The following MGAT4C variants were observed in gnomAD, a reference collection of about 807,000 sequenced individuals.
MGAT4C encodes the protein MGAT4 family member C, also known as alpha-1,3-mannosyl-glycoprotein 4-beta-N-acetylglucosaminyltransferase C.
A neutral mutation model predicts 40.1 loss-of-function variants in MGAT4C; 19 were observed. The ratio of observed to expected loss-of-function variants is 0.47; its 90% CI spans 0.33 to 0.70. The LOEUF is 0.70. MGAT4C is among the 30% of genes least tolerant of loss of function. MGAT4C has a pLI of 0.02. For missense variants in MGAT4C, 491 were observed against 563.2 expected (o/e 0.87, Z 1.30); for synonymous variants, 181 against 187.1 (o/e 0.97, Z 0.27).
At chr12:86,134,646 T>C (rs924944977) in intron 1 of MGAT4C, among the ~76,000 whole-genome samples, 1 of 152,122 alleles carries the variant, frequency 6.6e-6, no homozygotes, top group African/African-American at 2.4e-5. Context: ...AGCTTGTCCT[T>C]TTATAAAAGA....
intron 1 of MGAT4C, among the ~76,000 whole-genome samples, chr12:86,760,438 T>C (rs1453569317): frequency 6.6e-6 from 1 of 151,926 alleles, no homozygotes; most frequent in Non-Finnish European, 1.5e-5. Flanking sequence ...AAATGTAAAA[T>C]GAGTGATTCA....
rs185107686 is a variant in MGAT4C at position 86,386,187 on chromosome 12, C to A, written c.-120+48970G>T. 1.7e-3 allele frequency among the ~76,000 whole-genome samples: 266 copies of A among 152,286 alleles called. 2 individuals are homozygous for A. Among genetic ancestry groups the A allele is most frequent in the African/African-American group, 6.1e-3 (254 of 41,552 alleles). ...CTTCGTGATCCACCCGCCTCGGCCT[C>A]CCAAAGTGCTGGGATTACAGGTGTG... On this transcript the variant is annotated intron_variant, in intron 3 of 7. Coordinates refer to the MGAT4C transcript ENST00000548651.
chr12:86,346,545 TA>T (rs1325059049), intron 3 of MGAT4C, among the ~76,000 whole-genome samples: 7 of 152,136 alleles, frequency 4.6e-5, no homozygotes, highest in Non-Finnish European at 8.8e-5. Flanking sequence ...TCTTTGAAGT[TA>T]ACAAACCACA....
chr12:86,629,619 A>C lies in MGAT4C; in HGVS notation c.-229+97590T>G, dbSNP rs150550265. Reference sequence around the variant, plus strand: ...GGAACTCACTCAAAACCGCCCAACTACATGGAAACTGAACAACCTGCTCCT... The same window carrying C: ...GGAACTCACTCAAAACCGCCCAACTCCATGGAAACTGAACAACCTGCTCCT... On this transcript the variant is annotated intron_variant, in intron 2 of 7. Coordinates refer to the MGAT4C transcript ENST00000548651. 3.3e-3 allele frequency among the ~76,000 whole-genome samples: 504 copies of C among 152,332 alleles called. 3 individuals are homozygous for C. Among genetic ancestry groups the C allele is most frequent in the African/African-American group, 0.012 (489 of 41,580 alleles).
chr12:86,278,431 G>A (rs928142482), intron 4 of MGAT4C, among the ~76,000 whole-genome samples: 2 of 151,892 alleles, frequency 1.3e-5, no homozygotes, highest in South Asian at 4.1e-4. Flanking sequence ...CACCCACCTC[G>A]GCCTCCCAAA....
chr12:86,374,400 C>T (rs943740681), intron 3 of MGAT4C, among the ~76,000 whole-genome samples: 4 of 152,002 alleles, frequency 2.6e-5, no homozygotes, highest in Non-Finnish European at 4.4e-5. Context: ...TACATCTAAT[C>T]GGTGTCAGGC....
At chr12:86,306,068 T>G (rs1332490826) in intron 4 of MGAT4C, among the ~76,000 whole-genome samples, 2 of 150,546 alleles carry the variant, frequency 1.3e-5, no homozygotes, top group East Asian at 3.9e-4. Flanking sequence ...TCATATTGAT[T>G]AGGTAAGAAA....
At chr12:86,417,485 C>A (rs1956741614) in intron 3 of MGAT4C, among the ~76,000 whole-genome samples, 1 of 151,968 alleles carries the variant, frequency 6.6e-6, no homozygotes, top group Admixed American at 6.6e-5. Flanking sequence ...AACTAATAAT[C>A]CTATTTATCT....
chr12:86,237,673 T>C (rs1951611766), intron 1 of MGAT4C, among the ~76,000 whole-genome samples: 1 of 151,872 alleles, frequency 6.6e-6, no homozygotes, highest in Non-Finnish European at 1.5e-5. Flanking sequence ...TAAATTTGTG[T>C]TGCTGTAAGT....
chr12:86,237,856 A>C (rs1365934564), intron 1 of MGAT4C, among the ~76,000 whole-genome samples: 1 of 151,946 alleles, frequency 6.6e-6, no homozygotes, highest in East Asian at 1.9e-4. Flanking sequence ...ATCTTGAAGG[A>C]AAATAATAAC....
chr12:86,532,090 G>A (rs974742114), intron 2 of MGAT4C, among the ~76,000 whole-genome samples: 6 of 151,808 alleles, frequency 4.0e-5, no homozygotes, highest in East Asian at 3.9e-4. Context: ...TTAGGAATAG[G>A]ATAATTTTGG....
At chr12:86,559,638 G>A (rs1334036729) in intron 2 of MGAT4C, among the ~76,000 whole-genome samples, 1 of 151,792 alleles carries the variant, frequency 6.6e-6, no homozygotes, top group East Asian at 1.9e-4. Context: ...AAAACCTATG[G>A]CATATAGCAA....
At chr12:86,083,257 T>C (rs1379083617) in intron 1 of MGAT4C, among the ~76,000 whole-genome samples, 1 of 152,046 alleles carries the variant, frequency 6.6e-6, no homozygotes, top group Non-Finnish European at 1.5e-5. Context: ...TACCTTCTCA[T>C]CTGAAATAAT....
chr12:86,242,735 C>T (rs965258992), intron 1 of MGAT4C, among the ~76,000 whole-genome samples: 3 of 152,050 alleles, frequency 2.0e-5, no homozygotes, highest in Non-Finnish European at 4.4e-5. Context: ...TCCCATCCAA[C>T]CTTACCTTTA....
intron 2 of MGAT4C, among the ~76,000 whole-genome samples, chr12:86,437,858 T>A (rs1019266918): frequency 1.3e-5 from 2 of 151,912 alleles, no homozygotes; most frequent in African/African-American, 2.4e-5. Context: ...GTTGTGCATG[T>A]TCAGACTACC....
chr12:86,473,957 G>A (rs901579874), intron 2 of MGAT4C, among the ~76,000 whole-genome samples: 2 of 152,044 alleles, frequency 1.3e-5, no homozygotes, highest in East Asian at 1.9e-4. Context: ...AAAATGAAAA[G>A]CAAGATTGTG....
chr12:86,129,194 A>C (rs1177432877), intron 1 of MGAT4C, among the ~76,000 whole-genome samples: 1 of 151,924 alleles, frequency 6.6e-6, no homozygotes, highest in African/African-American at 2.4e-5. Flanking sequence ...AGCCCCGAAC[A>C]AAGAGTCAAG....
chr12:86,109,761 A>T (rs1876889405), intron 1 of MGAT4C, among the ~76,000 whole-genome samples: 1 of 151,990 alleles, frequency 6.6e-6, no homozygotes, highest in Non-Finnish European at 1.5e-5. Context: ...GTGGTAGGCA[A>T]AATGTATGAA....
chr12:86,103,834 C>T (rs1266880956), intron 1 of MGAT4C, among the ~76,000 whole-genome samples: 1 of 152,128 alleles, frequency 6.6e-6, no homozygotes, highest in East Asian at 1.9e-4. Context: ...AAGATTCTTA[C>T]ATTATTCATC....
Sources: allele counts gnomAD v4.1 joint callset (sites outside exome capture counted in the v4.1 genomes callset), GRCh38; gene constraint gnomAD v4.1.1; transcripts MANE v1.5; gene names NCBI Gene and HGNC (gene_info 2026-07-23, HGNC 2026-07-21).